MICALL1: variants seen among roughly 807,000 people sequenced by gnomAD.
The protein encoded by MICALL1 is MICAL like 1, also known as MICAL-like protein 1.
MICALL1 carries 61 observed loss-of-function variants against 83.7 expected under a neutral mutation model. That is an observed-to-expected ratio of 0.73 (90% CI 0.59 to 0.90). The LOEUF is 0.90. MICALL1 is among the 40% of genes least tolerant of loss of function. MICALL1 has a pLI of 0.00. For synonymous variants in MICALL1, 481 were observed against 473.6 expected, an observed-to-expected ratio of 1.02 and a Z score of -0.20; for missense variants, 1,066 against 1,152.0, an observed-to-expected ratio of 0.93 and a Z score of 1.08.
intron 5 of MICALL1, 51 bp downstream of exon 5, chr22:37,919,229 G>C: frequency 6.8e-7 from 1 of 1,466,534 alleles, no homozygotes; most frequent in Non-Finnish European, 9.1e-7. Context: ...GGGGGCTACC[G>C]TGGGTTCAGC....
rs753816509 is a variant in MICALL1, at chr22:37,940,749, G to A, written c.2511G>A (p.Gly837=). The A allele has an allele frequency of 6.2e-7, 1 of 1,614,142 alleles. No individual in the cohort carries two copies. The highest frequency in any genetic ancestry group is 2.2e-5 in the East Asian group (1 of 44,880). The change falls in exon 16 of 16, where the codon GGG becomes GGA. Residue 837 remains glycine (G), a synonymous_variant. Coordinates refer to ENST00000215957, the MANE Select transcript of MICALL1 (RefSeq NM_033386.4). ...REAEPEGKKK[G]KFKTMKMLKL... ...CTGAACCTGAGGGCAAGAAGAAGGGGAAGTTCAAGACCATGAAGATGTTGA... is the reference window on the plus strand; with the variant it reads ...CTGAACCTGAGGGCAAGAAGAAGGGAAAGTTCAAGACCATGAAGATGTTGA...
At chr22:37,936,873 C>A (rs1201184434) in intron 13 of MICALL1, among the ~76,000 whole-genome samples, 1 of 149,840 alleles carries the variant, frequency 6.7e-6, no homozygotes, top group Non-Finnish European at 1.5e-5. Context: ...GCCTGGGCGA[C>A]AGAGTGAGAC....
rs1930416736 is a variant in MICALL1 at position 37,941,176 on chromosome 22, A to T, written c.*346A>T. The T allele has an allele frequency of 8.9e-6, 2 of 223,880 alleles. No homozygotes were observed. The highest frequency in any genetic ancestry group is 9.3e-6 in the Non-Finnish European group (1 of 108,028). The allele number at this position is 223,880 out of a possible 1,614,324, so 13.9% of individuals were successfully genotyped here. On this transcript the variant is annotated 3_prime_UTR_variant, in exon 16 of 16. Transcript: ENST00000215957. ...CCCCTCACCCTGCCCAGCCCCTGCC[A>T]TGAGCTCTGGGCTGGGTCTCCGCCT...
At chr22:37,909,145 C>T (rs868330010) in intron 1 of MICALL1, among the ~76,000 whole-genome samples, 6 of 151,708 alleles carry the variant, frequency 4.0e-5, no homozygotes, top group South Asian at 2.1e-4. Flanking sequence ...CTCTGCCTCC[C>T]GGATTCAAGC....
chr22:37,912,253 A>G, intron 2 of MICALL1, 98 bp from the exon 3 acceptor site: 1 of 1,441,684 alleles, frequency 6.9e-7, no homozygotes, highest in Non-Finnish European at 9.4e-7. Flanking sequence ...ACCCCATCCC[A>G]CTGAAGGGAG....
chr22:37,906,361 C>T lies in MICALL1; in HGVS notation c.-62C>T. ...GCCGGAAACCGGGCCCGCGCGGCGG[C>T]CGCCGTCCCGGCCAAGCCGGGGCCC... On this transcript the variant is annotated 5_prime_UTR_variant, in exon 1 of 16. Transcript: ENST00000215957. This position sits in a 1 kb window ranked among gnomAD's most constrained non-coding sequence, Gnocchi z 4.4. 9.9e-7 allele frequency: 1 copy of T among 1,012,152 alleles called. No individual in the cohort carries two copies. The allele number at this position is 1,012,152 out of a possible 1,614,324, so 62.7% of individuals were successfully genotyped here.
At chr22:37,928,230 G>T (rs752584006) in intron 9 of MICALL1, among the ~76,000 whole-genome samples, 2 of 149,120 alleles carry the variant, frequency 1.3e-5, no homozygotes, top group Admixed American at 6.7e-5. Context: ...TTTTTGAGAC[G>T]GAGTCTCGCT....
chr22:37,913,896 A>G (rs1013394648), intron 3 of MICALL1, among the ~76,000 whole-genome samples: 19 of 134,946 alleles, frequency 1.4e-4, no homozygotes, highest in African/African-American at 5.0e-4. Context: ...TTTTTTTGAT[A>G]CAGAGTTTTG....
At chr22:37,911,009 A>G (rs1226758721) in intron 1 of MICALL1, among the ~76,000 whole-genome samples, 1 of 152,206 alleles carries the variant, frequency 6.6e-6, no homozygotes, top group Admixed American at 6.5e-5. Context: ...GCAAGGCTGC[A>G]TGCGGATGCA....
At chr22:37,925,002 G>A (rs930583534) in intron 7 of MICALL1, among the ~76,000 whole-genome samples, 4 of 152,290 alleles carry the variant, frequency 2.6e-5, no homozygotes, top group Non-Finnish European at 4.4e-5. Context: ...CTGTAACATG[G>A]GAGGCCGAGG....
intron 9 of MICALL1, among the ~76,000 whole-genome samples, chr22:37,929,443 C>T (rs1368763345): frequency 6.6e-6 from 1 of 152,188 alleles, no homozygotes; most frequent in Non-Finnish European, 1.5e-5. Context: ...CAGCCCTCAA[C>T]AGGCAGAAGG....
In MICALL1 at chr22:37,924,452, A is replaced by G. The variant is rs530755171; in HGVS notation, c.1025-208A>G. ...TGGGTTTCTTCTCAAATGAAATGCAAACGGGGTCTCAGGTGGCCTGGCCTT... is the reference window on the plus strand; with the variant it reads ...TGGGTTTCTTCTCAAATGAAATGCAGACGGGGTCTCAGGTGGCCTGGCCTT... On this transcript the variant is annotated intron_variant, in intron 6 of 15. Transcript: ENST00000215957. The surrounding 1 kb of genome is among the most constrained non-coding windows in gnomAD (Gnocchi z 5.2). Among the ~76,000 whole-genome samples, 3 of 152,234 alleles carry G rather than the reference A, an allele frequency of 2.0e-5. No homozygotes were observed. Among genetic ancestry groups the G allele is most frequent in the South Asian group, 2.1e-4 (1 of 4,824 alleles).
At chr22:37,923,662 T>C (rs1001106894) in intron 6 of MICALL1, among the ~76,000 whole-genome samples, 2 of 152,182 alleles carry the variant, frequency 1.3e-5, no homozygotes, top group Non-Finnish European at 2.9e-5. Flanking sequence ...CTGCATGCGC[T>C]CTTTTGCATC....
rs754576189 is a variant in MICALL1, at chr22:37,932,813, A to T, written c.2159A>T (p.Asp720Val). 6.2e-7 allele frequency: 1 copy of T among 1,614,040 alleles called. No individual in the cohort carries two copies. The highest frequency in any genetic ancestry group is 8.5e-7 in the Non-Finnish European group (1 of 1,179,986). Residue 720 changes from aspartate (D) to valine (V), a missense_variant, in exon 12 of 16, where the codon GAC (aspartate) becomes GTC (valine). Physicochemically the swap from Asp to Val is radical, Grantham distance 152. Transcript: ENST00000215957. This position sits in a 1 kb window ranked among gnomAD's most constrained non-coding sequence, Gnocchi z 4.4. ...RGGLNEGRED[D>V]MLVDWFKLIH... ...TGGCTTCCAGAGGGCCGTGAGGATG[A>T]CATGCTGGTGGACTGGTTCAAGCTC...
In MICALL1 at chr22:37,925,527, G is replaced by C. The variant is rs561014901; in HGVS notation, c.1083-134G>C. Reference sequence around the variant, plus strand: ...CATTCCATTTCAGACTGTCCCCATGGGGATGGGGGTGGGAGAAGGGAAACA... The same window carrying C: ...CATTCCATTTCAGACTGTCCCCATGCGGATGGGGGTGGGAGAAGGGAAACA... On this transcript the variant is annotated intron_variant, in intron 7 of 15. Transcript: ENST00000215957. The C allele has an allele frequency of 2.2e-4, 140 of 633,442 alleles. No individual in the cohort carries two copies. The African/African-American group carries it at 2.3e-3, about 10-fold the overall frequency. 39.2% of individuals were successfully genotyped at this position (633,442 alleles called of 1,614,324 possible).
In MICALL1 at chr22:37,930,512, G is replaced by A. The variant is rs1308663631; in HGVS notation, c.1882-1287G>A. Among the ~76,000 whole-genome samples, 3 of 152,234 alleles carry A rather than the reference G, an allele frequency of 2.0e-5. No homozygotes were observed. The highest frequency in any genetic ancestry group is 1.9e-4 in the East Asian group (1 of 5,198). On this transcript the variant is annotated intron_variant, in intron 9 of 15. Coordinates refer to ENST00000215957, the MANE Select transcript of MICALL1 (RefSeq NM_033386.4). This position sits in a 1 kb window ranked among gnomAD's most constrained non-coding sequence, Gnocchi z 4.8. The stretch of plus-strand genomic sequence containing the variant: ...CTCCACCTGCTCCGCAGCTGCCGAG[G>A]GAAAGCTGGGTCAGTGCTTCTTGGA...
Position 37,927,833 on chromosome 22 carries a change from G to C in MICALL1, c.1881+7G>C. The C allele has an allele frequency of 6.3e-7, 1 of 1,598,442 alleles. No homozygotes were observed. The highest frequency in any genetic ancestry group is 8.5e-7 in the Non-Finnish European group (1 of 1,171,154). ...CCCACAGCTGCAGGTAAAGGTGAGT[G>C]CCCCCTCACCCTCACTAAAAGTGAC... On this transcript the variant is annotated splice_region_variant and intron_variant, in intron 9 of 15. Coordinates refer to ENST00000215957, the MANE Select transcript of MICALL1 (RefSeq NM_033386.4).
intron 15 of MICALL1, among the ~76,000 whole-genome samples, chr22:37,938,360 C>G (rs1271980784): frequency 6.7e-6 from 1 of 149,596 alleles, no homozygotes; most frequent in African/African-American, 2.5e-5. Context: ...CGAGATCACG[C>G]CAGTGCACTC....
At chr22:37,910,125 G>A (rs1928226454) in intron 1 of MICALL1, among the ~76,000 whole-genome samples, 1 of 152,244 alleles carries the variant, frequency 6.6e-6, no homozygotes, top group Non-Finnish European at 1.5e-5. Context: ...AAGACTCTCA[G>A]AAAATATATG....
Sources: gnomAD v4.1 joint callset for allele counts (sites outside exome capture counted in the v4.1 genomes callset) on GRCh38, gnomAD v4.1.1 for gene constraint, Gnocchi (gnomAD v3.1) non-coding constraint, MANE v1.5 for transcripts, NCBI Gene and HGNC (gene_info 2026-07-23, HGNC 2026-07-21) for gene names.